The following PTPRD variants were observed in gnomAD, a reference collection of about 807,000 sequenced individuals.
The protein encoded by PTPRD is receptor-type tyrosine-protein phosphatase delta.
PTPRD carries 34 observed loss-of-function variants against 214.5 expected under a neutral mutation model. That is an observed-to-expected ratio of 0.16 (90% CI 0.12 to 0.21). The LOEUF (loss-of-function observed/expected upper bound fraction) is 0.21. PTPRD is among the 10% of genes least tolerant of loss of function. PTPRD has a pLI of 1.00. For synonymous variants in PTPRD, 1,128 were observed against 845.7 expected (o/e 1.33, Z -5.79); for missense variants, 2,545 against 2,398.7 (o/e 1.06, Z -1.27).
At chr9:9,936,666 G>A in intron 5 of PTPRD, among the ~76,000 whole-genome samples, 1 of 132,614 alleles carries the variant, frequency 7.5e-6, no homozygotes, top group South Asian at 2.6e-4. Flanking sequence ...AGTCAGTGTG[G>A]CGATTCCTCA....
At chr9:9,142,126 A>T (rs917506703) in intron 10 of PTPRD, among the ~76,000 whole-genome samples, 15 of 152,216 alleles carry the variant, frequency 9.9e-5, no homozygotes, top group Admixed American at 8.5e-4. Flanking sequence ...TCTGCAAAAC[A>T]AGTGTGGGTT....
intron 2 of PTPRD, among the ~76,000 whole-genome samples, chr9:10,367,538 T>A (rs576051291): frequency 6.6e-6 from 1 of 151,990 alleles, no homozygotes; most frequent in Non-Finnish European, 1.5e-5. Context: ...GGAAGCCCAA[T>A]GGGGAAATAA....
At chr9:9,994,479 G>C (rs1458546917) in intron 4 of PTPRD, among the ~76,000 whole-genome samples, 8 of 151,854 alleles carry the variant, frequency 5.3e-5, no homozygotes, top group Non-Finnish European at 1.2e-4. Flanking sequence ...TCCCTCCCTA[G>C]GATATTGTCT....
chr9:10,223,189 C>T (rs899071375), intron 3 of PTPRD, among the ~76,000 whole-genome samples: 1 of 151,742 alleles, frequency 6.6e-6, no homozygotes, highest in African/African-American at 2.4e-5. Context: ...CTTTCCCCTC[C>T]TTCCCCTTCT....
chr9:9,739,141 G>A (rs2098354922), intron 6 of PTPRD, among the ~76,000 whole-genome samples: 1 of 152,128 alleles, frequency 6.6e-6, no homozygotes, highest in South Asian at 2.1e-4. Context: ...AGGCATGCAT[G>A]TGTGTATGCA....
chr9:9,933,540 T>C (rs2087741170), intron 5 of PTPRD, among the ~76,000 whole-genome samples: 1 of 151,748 alleles, frequency 6.6e-6, no homozygotes, highest in Non-Finnish European at 1.5e-5. Context: ...ATCCTAAATA[T>C]ATATACACCC....
chr9:10,150,532 G>T lies in PTPRD; in HGVS notation c.-544-116742C>A, dbSNP rs549602287. Reference sequence around the variant, plus strand: ...TTCGTGGGGCAGGAGGAGGGGGGAGGGATAGCATTAGGAGATATACCTAAT... The same window carrying T: ...TTCGTGGGGCAGGAGGAGGGGGGAGTGATAGCATTAGGAGATATACCTAAT... On this transcript the variant is annotated intron_variant, in intron 3 of 45. Transcript: ENST00000381196. Among the ~76,000 whole-genome samples the T allele has an allele frequency of 4.6e-5, 7 of 151,772 alleles. No homozygotes were observed. In the East Asian group the frequency reaches 1.4e-3, roughly 30 times the overall value.
intron 3 of PTPRD, among the ~76,000 whole-genome samples, chr9:10,240,978 T>C (rs1255919620): frequency 6.6e-6 from 1 of 150,376 alleles, no homozygotes; most frequent in Non-Finnish European, 1.5e-5. Context: ...AAAGGCCTCA[T>C]ATATTACAAT....
chr9:9,364,566 G>C (rs1459111952), intron 9 of PTPRD, among the ~76,000 whole-genome samples: 1 of 151,390 alleles, frequency 6.6e-6, no homozygotes, highest in Non-Finnish European at 1.5e-5. Context: ...AGAAAGAAAA[G>C]TCCTAGGCTG....
intron 11 of PTPRD, among the ~76,000 whole-genome samples, chr9:8,930,548 C>A (rs2098945467): frequency 6.6e-6 from 1 of 152,126 alleles, no homozygotes; most frequent in South Asian, 2.1e-4. Context: ...CTGTCTTCCA[C>A]AATGGTTGAA....
chr9:9,481,667 A>T (rs2095420533), intron 8 of PTPRD, among the ~76,000 whole-genome samples: 1 of 152,124 alleles, frequency 6.6e-6, no homozygotes, highest in Admixed American at 6.6e-5. Context: ...TAATGAAGAA[A>T]GAGGTCCATG....
In PTPRD at chr9:8,893,140, G is replaced by A. The variant is rs1020001672; in HGVS notation, c.-104+125557C>T. On this transcript the variant is annotated intron_variant, in intron 11 of 45. Coordinates refer to ENST00000381196, the MANE Select transcript of PTPRD (RefSeq NM_002839.4). ...AAAATATATATGATAGAAGACATTT[G>A]AAGAGTTTTGTTTTGTTTTGCAAAT... 2.0e-5 allele frequency among the ~76,000 whole-genome samples: 3 copies of A among 152,098 alleles called. No homozygotes were observed. In the East Asian group the frequency reaches 5.8e-4, roughly 29 times the overall value.
chr9:9,306,765 C>G (rs948377811), intron 9 of PTPRD, among the ~76,000 whole-genome samples: 3 of 151,918 alleles, frequency 2.0e-5, no homozygotes, highest in African/African-American at 7.3e-5. Flanking sequence ...TTTTGGGGAG[C>G]CAAATTTCTA....
At chr9:8,448,254 G>A (rs997930645) in intron 34 of PTPRD, among the ~76,000 whole-genome samples, 21 of 152,284 alleles carry the variant, frequency 1.4e-4, no homozygotes, top group African/African-American at 4.8e-4. Context: ...CCTGATCCCG[G>A]GAGGTTGAGG....
At chr9:9,593,140 G>GAAAA (rs1563920992) in intron 7 of PTPRD, among the ~76,000 whole-genome samples, 1,123 of 95,270 alleles carry the variant, frequency 0.012, 14 homozygotes, top group African/African-American at 0.039. Flanking sequence ...GGAAAGGAAA[G>GAAAA]GGAAAGAAAA....
At chr9:9,956,419 A>G (rs932128012) in intron 4 of PTPRD, among the ~76,000 whole-genome samples, 1 of 152,186 alleles carries the variant, frequency 6.6e-6, no homozygotes, top group South Asian at 2.1e-4. Context: ...ATAGTTATAA[A>G]TAAGCACTAC....
chr9:10,184,861 T>C (rs1186772759), intron 3 of PTPRD, among the ~76,000 whole-genome samples: 2 of 152,206 alleles, frequency 1.3e-5, no homozygotes, highest in South Asian at 2.1e-4. Flanking sequence ...AACTCTGTAA[T>C]TGGCAGTGAG....
intron 4 of PTPRD, among the ~76,000 whole-genome samples, chr9:9,992,813 G>A (rs187871772): frequency 3.3e-5 from 5 of 152,040 alleles, no homozygotes; most frequent in Non-Finnish European, 7.4e-5. Context: ...GATGGGGAGA[G>A]GGGGGAGGGA....
intron 2 of PTPRD, among the ~76,000 whole-genome samples, chr9:10,484,553 T>C (rs1398051919): frequency 6.6e-6 from 1 of 152,118 alleles, no homozygotes; most frequent in Non-Finnish European, 1.5e-5. Flanking sequence ...GTATTTGTTA[T>C]TGCCTGTCTT....
Sources: allele counts gnomAD v4.1 joint callset (sites outside exome capture counted in the v4.1 genomes callset), GRCh38; gene constraint gnomAD v4.1.1; transcripts MANE v1.5; gene names NCBI Gene and HGNC (gene_info 2026-07-23, HGNC 2026-07-21).